The following STXBP6 variants were observed in gnomAD, a reference collection of about 807,000 sequenced individuals.
STXBP6 encodes syntaxin-binding protein 6.
Under a neutral mutation model 26.9 loss-of-function variants are expected in STXBP6, and 21 were observed. The observed-to-expected ratio is 0.78, with a 90% CI of 0.55 to 1.12. The LOEUF is 1.12. STXBP6 is among the 50% of genes most tolerant of loss of function. The pLI, the probability that STXBP6 is intolerant of heterozygous loss-of-function variation, is 0.00. For synonymous variants in STXBP6, 97 were observed against 92.6 expected, an observed-to-expected ratio of 1.05 and a Z score of -0.27; for missense variants, 232 against 257.9, an observed-to-expected ratio of 0.90 and a Z score of 0.69.
intron 1 of STXBP6, among the ~76,000 whole-genome samples, chr14:25,042,956 A>AT (rs1360277284): frequency 6.6e-6 from 1 of 152,204 alleles, no homozygotes; most frequent in Non-Finnish European, 1.5e-5. Flanking sequence ...TTAAATAGAG[A>AT]TTTTTTAAAA....
intron 2 of STXBP6, among the ~76,000 whole-genome samples, chr14:24,889,964 A>C (rs2070733783): frequency 6.6e-6 from 1 of 152,224 alleles, no homozygotes; most frequent in Admixed American, 6.5e-5. Context: ...ACCTCTTCTA[A>C]CATCCAGAGA....
chr14:24,958,437 T>C (rs2073413270), intron 2 of STXBP6, among the ~76,000 whole-genome samples: 1 of 152,168 alleles, frequency 6.6e-6, no homozygotes, highest in South Asian at 2.1e-4. Flanking sequence ...AGAAGATTCC[T>C]TTCTTCCACT....
At chr14:24,921,585 A>T (rs953320232) in intron 2 of STXBP6, among the ~76,000 whole-genome samples, 1 of 152,148 alleles carries the variant, frequency 6.6e-6, no homozygotes, top group Non-Finnish European at 1.5e-5. Context: ...GCTTAGAATC[A>T]ACTGGCATTA....
chr14:24,853,163 G>C (rs926829085), intron 4 of STXBP6, among the ~76,000 whole-genome samples: 1 of 152,020 alleles, frequency 6.6e-6, no homozygotes, highest in African/African-American at 2.4e-5. Context: ...ACTATAGGAA[G>C]AGACCAAAAG....
chr14:24,998,027 G>A (rs1427459524), intron 1 of STXBP6, among the ~76,000 whole-genome samples: 1 of 152,080 alleles, frequency 6.6e-6, no homozygotes, highest in Non-Finnish European at 1.5e-5. Context: ...GTGCATCTGT[G>A]CAAATATTCT....
intron 4 of STXBP6, among the ~76,000 whole-genome samples, chr14:24,848,653 T>C (rs1317180948): frequency 1.3e-5 from 2 of 152,120 alleles, no homozygotes; most frequent in African/African-American, 2.4e-5. Context: ...TTTCACAGCA[T>C]GCATTTCAGC....
At chr14:24,825,650 G>A (rs1358440924) in intron 4 of STXBP6, among the ~76,000 whole-genome samples, 2 of 152,202 alleles carry the variant, frequency 1.3e-5, no homozygotes, top group East Asian at 1.9e-4. Context: ...CAAGTCACAA[G>A]CATGTCTGCC....
At chr14:24,927,217 T>C (rs6650492) in intron 2 of STXBP6, among the ~76,000 whole-genome samples, 36,772 of 152,022 alleles carry the variant, frequency 0.24, 4,647 homozygotes, top group African/African-American at 0.33. Flanking sequence ...TTGTGAGAGA[T>C]GAGAGCTTCT....
At chr14:25,026,058 T>C (rs971172257) in intron 1 of STXBP6, among the ~76,000 whole-genome samples, 1 of 152,208 alleles carries the variant, frequency 6.6e-6, no homozygotes, top group Non-Finnish European at 1.5e-5. Flanking sequence ...TTCCTGGCTA[T>C]GATTATCCTG....
At chr14:25,015,562 C>T (rs1460834498) in intron 1 of STXBP6, among the ~76,000 whole-genome samples, 1 of 151,854 alleles carries the variant, frequency 6.6e-6, no homozygotes. Flanking sequence ...GATAAAGATT[C>T]TTAAAGAACT....
chr14:24,928,379 T>G (rs1353188455), intron 2 of STXBP6, among the ~76,000 whole-genome samples: 2 of 139,798 alleles, frequency 1.4e-5, no homozygotes, highest in Non-Finnish European at 3.1e-5. Flanking sequence ...TTGGTTTGTT[T>G]TGCTTTTTTT....
At position 24,901,010 on chromosome 14, in the gene STXBP6, C is replaced by CTT. The variant is rs537333996; in HGVS notation, c.155-43854_155-43853insAA. Among the ~76,000 whole-genome samples the CTT allele has an allele frequency of 1.2e-3, 185 of 152,252 alleles. 1 individual carries two copies. The highest frequency in any genetic ancestry group is 1.5e-3 in the Admixed American group (23 of 15,296). Reference sequence around the variant, plus strand: ...GCACAAACTGTTACCGCTGGACAGACTAAGTCATGAAATTTACAACTTAAA... The same window carrying CTT: ...GCACAAACTGTTACCGCTGGACAGACTTTAAGTCATGAAATTTACAACTTAAA... On this transcript the variant is annotated intron_variant, in intron 2 of 5. Transcript: ENST00000323944.
At chr14:24,953,578 T>C (rs2073241390) in intron 2 of STXBP6, among the ~76,000 whole-genome samples, 2 of 152,222 alleles carry the variant, frequency 1.3e-5, no homozygotes, top group Admixed American at 6.5e-5. Context: ...TATCCCAGTT[T>C]GTCACTCGCT....
At chr14:24,883,354 A>T (rs1308959391) in intron 2 of STXBP6, among the ~76,000 whole-genome samples, 1 of 152,252 alleles carries the variant, frequency 6.6e-6, no homozygotes, top group Non-Finnish European at 1.5e-5. Context: ...ATAGTGATAC[A>T]TTACTATTAA....
intron 1 of STXBP6, among the ~76,000 whole-genome samples, chr14:25,002,753 T>C (rs2074794667): frequency 6.6e-6 from 1 of 151,006 alleles, no homozygotes; most frequent in Non-Finnish European, 1.5e-5. Context: ...CACTGAAATG[T>C]TTTTAAATGT....
At chr14:24,919,971 T>C (rs1260094413) in intron 2 of STXBP6, among the ~76,000 whole-genome samples, 1 of 152,032 alleles carries the variant, frequency 6.6e-6, no homozygotes, top group Non-Finnish European at 1.5e-5. Flanking sequence ...TTGCGAAGAA[T>C]GTAAAGTAAG....
intron 1 of STXBP6, among the ~76,000 whole-genome samples, chr14:25,042,146 G>A (rs1448811580): frequency 3.9e-5 from 6 of 152,204 alleles, no homozygotes; most frequent in African/African-American, 1.4e-4. Context: ...TTCAAATGAT[G>A]ATAAACGAAA....
At position 24,991,979 on chromosome 14, in the gene STXBP6, C is replaced by T. The variant is rs547165979; in HGVS notation, c.-32-17129G>A. On this transcript the variant is annotated intron_variant, in intron 1 of 5. Transcript: ENST00000323944. ...CTCCTTCCTGCTGCTTCTCCCTGGG[C>T]TGGGCTACGTGCCACTCTTTTGCTC... Among the ~76,000 whole-genome samples the T allele has an allele frequency of 5.3e-5, 8 of 152,290 alleles. No homozygotes were observed. In the East Asian group the frequency reaches 9.7e-4, roughly 18 times the overall value.
At position 24,913,641 on chromosome 14, in the gene STXBP6, T is replaced by C. The variant is rs145711608; in HGVS notation, c.155-56484A>G. 1.8e-3 allele frequency among the ~76,000 whole-genome samples: 271 copies of C among 152,314 alleles called. 2 individuals are homozygous for C. The highest frequency in any genetic ancestry group is 6.0e-3 in the African/African-American group (251 of 41,580). ...AATCTGTAAGACAATTAGACATCAC[T>C]AAAAGTTTTTAAATAGTCAATTTGA... On this transcript the variant is annotated intron_variant, in intron 2 of 5. Coordinates refer to ENST00000323944, the MANE Select transcript of STXBP6 (RefSeq NM_001394410.1).
Sources: allele counts gnomAD v4.1 joint callset (sites outside exome capture counted in the v4.1 genomes callset), GRCh38; gene constraint gnomAD v4.1.1; transcripts MANE v1.5; gene names NCBI Gene and HGNC (gene_info 2026-07-23, HGNC 2026-07-21).